Variants in KATNB1 observed in about 807,000 individuals in gnomAD.
KATNB1 encodes the protein katanin regulatory subunit B1, also known as katanin p80 WD40 repeat-containing subunit B1.
Under a neutral mutation model 82.3 loss-of-function variants are expected in KATNB1, and 38 were observed. The observed-to-expected ratio is 0.46, with a 90% CI of 0.36 to 0.61. The LOEUF (loss-of-function observed/expected upper bound fraction) is 0.61. Ranked by LOEUF, KATNB1 falls within the 20% of genes least tolerant of loss-of-function variation. The pLI is 0.00. For synonymous variants in KATNB1, 361 were observed against 368.7 expected, an observed-to-expected ratio of 0.98 and a Z score of 0.24; for missense variants, 749 against 915.7, an observed-to-expected ratio of 0.82 and a Z score of 2.35.
Position 57,750,900 on chromosome 16 carries a change from C to G in KATNB1, c.363C>G (p.Ala121=). 1 of 1,614,134 alleles carries G rather than the reference C, an allele frequency of 6.2e-7. No homozygotes were observed. The highest frequency in any genetic ancestry group is 8.5e-7 in the Non-Finnish European group (1 of 1,180,004). The change falls in exon 5 of 20, where the codon GCC becomes GCG. Residue 121 remains alanine (A), a synonymous_variant. Coordinates refer to ENST00000379661, the MANE Select transcript of KATNB1 (RefSeq NM_005886.3). ...TCCACCCGTACGGCGAGTTTGTAGCCTCTGGTTCCCAGGACACAAACATCA... is the reference window on the plus strand; with the variant it reads ...TCCACCCGTACGGCGAGTTTGTAGCGTCTGGTTCCCAGGACACAAACATCA... The part of the protein sequence containing the change: ...LDFHPYGEFV[A]SGSQDTNIKL...
chr16:57,741,869 G>A lies in KATNB1; in HGVS notation c.171+52G>A, dbSNP rs782118353. On this transcript the variant is annotated intron_variant, in intron 3 of 19. Transcript: ENST00000379661. ...CAGGACAAGGGCCTGGGGAGGGGAC[G>A]GGGACAGGGGTTGGAGGCTGAAGAG... is the stretch of plus-strand genomic sequence containing the variant. 43 of 1,569,046 alleles carry A rather than the reference G, an allele frequency of 2.7e-5. 1 individual carries two copies. The highest frequency in any genetic ancestry group is 8.0e-5 in the South Asian group (7 of 87,378).
intron 3 of KATNB1, 60 bp downstream of exon 3, chr16:57,741,877 G>A (rs560075250): frequency 1.3e-6 from 2 of 1,551,582 alleles, no homozygotes; most frequent in East Asian, 2.4e-5. Flanking sequence ...ACGGGGACAG[G>A]GGTTGGAGGC....
chr16:57,753,547 A>G, intron 12 of KATNB1, 28 bp downstream of exon 12: 1 of 1,610,282 alleles, frequency 6.2e-7, no homozygotes, highest in Non-Finnish European at 8.5e-7. Context: ...CCCCCAGCCC[A>G]GCGTCCCCAT....
At chr16:57,755,699 T>TAA (rs1198357986) in intron 16 of KATNB1, 142 bp from the exon 17 acceptor site, 3 of 978,456 alleles carry the variant, frequency 3.1e-6, no homozygotes, top group Admixed American at 5.4e-5. Context: ...TGCCTGGCCT[T>TAA]ACACTCATTG....
At chr16:57,745,310 TCGAGACCAGCC>T (rs1555581113) in intron 4 of KATNB1, among the ~76,000 whole-genome samples, 7 of 119,422 alleles carry the variant, frequency 5.9e-5, no homozygotes, top group Non-Finnish European at 1.3e-4. Flanking sequence ...GGTTGGGAGT[TCGAGACCAGCC>T]TGACCAACGT....
At chr16:57,750,362 G>A (rs1420193765) in intron 4 of KATNB1, among the ~76,000 whole-genome samples, 14 of 152,208 alleles carry the variant, frequency 9.2e-5, no homozygotes, top group African/African-American at 2.9e-4. Flanking sequence ...GGACGCAGTG[G>A]CTCACACCTG....
At chr16:57,749,004 A>T (rs1159746915) in intron 4 of KATNB1, among the ~76,000 whole-genome samples, 1 of 152,228 alleles carries the variant, frequency 6.6e-6, no homozygotes, top group East Asian at 1.9e-4. Context: ...ACACGGAGCA[A>T]GGAGTGACAG....
chr16:57,750,766 C>A, intron 4 of KATNB1, 61 bp from the exon 5 acceptor site: 1 of 1,317,962 alleles, frequency 7.6e-7, no homozygotes, highest in Non-Finnish European at 1.1e-6. Flanking sequence ...CACAGCAGCC[C>A]TTCCTCTGCC....
At chr16:57,747,524 C>T (rs1461908667) in intron 4 of KATNB1, among the ~76,000 whole-genome samples, 6 of 152,208 alleles carry the variant, frequency 3.9e-5, no homozygotes, top group Non-Finnish European at 7.3e-5. Flanking sequence ...AGTTTAAGAA[C>T]AAAAGAGCCC....
intron 2 of KATNB1, among the ~76,000 whole-genome samples, chr16:57,740,092 C>G (rs146975108): frequency 6.6e-6 from 1 of 152,182 alleles, no homozygotes; most frequent in African/African-American, 2.4e-5. Context: ...TGAACAGACA[C>G]GTCTGTGGCT....
Position 57,756,492 on chromosome 16 carries a change from T to TG in KATNB1, c.1835+25dup. 6.3e-7 allele frequency: 1 copy of TG among 1,598,172 alleles called. No homozygotes were observed. Among genetic ancestry groups the TG allele is most frequent in the African/African-American group, 1.3e-5 (1 of 74,768 alleles). On this transcript the variant is annotated intron_variant, in intron 19 of 19. Coordinates refer to ENST00000379661, the MANE Select transcript of KATNB1 (RefSeq NM_005886.3). ...GGAGAGGTGAGGGCAGCGCATGTGTTGGGGGCAGGGGTGCCACAACAGGTG... is the reference window on the plus strand; with the variant it reads ...GGAGAGGTGAGGGCAGCGCATGTGTTGGGGGGCAGGGGTGCCACAACAGGTG...
intron 3 of KATNB1, among the ~76,000 whole-genome samples, chr16:57,742,896 A>C (rs1339198006): frequency 6.6e-6 from 1 of 152,242 alleles, no homozygotes; most frequent in East Asian, 1.9e-4. Flanking sequence ...ATCATTTTAC[A>C]TTCTCACCAG....
chr16:57,755,906 C>T lies in KATNB1; in HGVS notation c.1632C>T (p.Val544=). The change falls in exon 17 of 20, where the codon GTC becomes GTT. Residue 544 remains valine, a synonymous_variant. Coordinates refer to ENST00000379661, the MANE Select transcript of KATNB1 (RefSeq NM_005886.3). ...LSVVVDLLNI[V]NQKASLWKLD... ...TGGTGGTGGACCTCCTGAACATCGT[C>T]AACCAGAAAGCGTAAGTGGCTGCAG... is the stretch of plus-strand genomic sequence containing the variant. 7.5e-6 allele frequency: 12 copies of T among 1,598,824 alleles called. No individual in the cohort carries two copies. The highest frequency in any genetic ancestry group is 1.0e-5 in the Non-Finnish European group (12 of 1,168,304).
rs762605766 is a variant in KATNB1 at position 57,737,299 on chromosome 16, TTTTC to T, written c.40+20_40+23del. ...TGGAAGTTGCGTGAGTGGTTTTCAT[TTTTC>T]TTTATCACCCCATTTATTCTGTTAG... On this transcript the variant is annotated intron_variant, in intron 2 of 19. Coordinates refer to ENST00000379661, the MANE Select transcript of KATNB1 (RefSeq NM_005886.3). 2.2e-5 allele frequency: 36 copies of T among 1,614,084 alleles called. No individual in the cohort carries two copies. In the South Asian group the frequency reaches 3.2e-4, roughly 14 times the overall value.
At chr16:57,747,221 C>T (rs528960857) in intron 4 of KATNB1, among the ~76,000 whole-genome samples, 98 of 152,284 alleles carry the variant, frequency 6.4e-4, no homozygotes, top group Admixed American at 1.7e-3. Context: ...GATCATCCCG[C>T]GTGCCAGGCA....
chr16:57,741,305 T>C (rs1597823681), intron 2 of KATNB1, among the ~76,000 whole-genome samples: 1 of 152,320 alleles, frequency 6.6e-6, no homozygotes. Context: ...ATAGAAAGAG[T>C]ATCATGAGTA....
chr16:57,749,668 T>C (rs1368722761), intron 4 of KATNB1, among the ~76,000 whole-genome samples: 2 of 152,134 alleles, frequency 1.3e-5, no homozygotes, highest in Non-Finnish European at 2.9e-5. Context: ...GCAGGAAACA[T>C]GAGACAAATC....
chr16:57,756,070 C>G lies in KATNB1; in HGVS notation c.1718+4C>G. 1 of 1,604,582 alleles carries G rather than the reference C, an allele frequency of 6.2e-7. No homozygotes were observed. The highest frequency in any genetic ancestry group is 8.5e-7 in the Non-Finnish European group (1 of 1,179,848). On this transcript the variant is annotated splice_donor_region_variant and intron_variant, in intron 18 of 19. Coordinates refer to ENST00000379661, the MANE Select transcript of KATNB1 (RefSeq NM_005886.3). ...TTCTGCAGAGCAAGTATGAGAGGTGCGTGTGGGGAAGCCATGCCTGCCTGA... is the reference window on the plus strand; with the variant it reads ...TTCTGCAGAGCAAGTATGAGAGGTGGGTGTGGGGAAGCCATGCCTGCCTGA...
intron 2 of KATNB1, among the ~76,000 whole-genome samples, chr16:57,738,790 T>TC (rs1389657883): frequency 2.0e-5 from 3 of 152,200 alleles, no homozygotes; most frequent in African/African-American, 7.2e-5. Flanking sequence ...AGCTGGCCTT[T>TC]CCCCAGAGCT....
Sources: gnomAD v4.1 joint callset for allele counts (sites outside exome capture counted in the v4.1 genomes callset) on GRCh38, gnomAD v4.1.1 for gene constraint, MANE v1.5 for transcripts, NCBI Gene and HGNC (gene_info 2026-07-23, HGNC 2026-07-21) for gene names.